RBMS3: variants seen among roughly 807,000 people sequenced by gnomAD.
The protein encoded by RBMS3 is RNA-binding motif, single-stranded-interacting protein 3.
RBMS3 carries 27 observed loss-of-function variants against 66.8 expected under a neutral mutation model. That is an observed-to-expected ratio of 0.40 (90% confidence interval 0.30 to 0.56). RBMS3 has a LOEUF of 0.56. Among genes scored for constraint, RBMS3 ranks in the 20% least tolerant of loss-of-function variants. RBMS3 has a pLI of 0.40. For missense variants in RBMS3, 513 were observed against 549.5 expected (o/e 0.93, Z 0.66); for synonymous variants, 188 against 183.0 (o/e 1.03, Z -0.22).
intron 8 of RBMS3, among the ~76,000 whole-genome samples, chr3:29,895,550 A>G (rs189454059): frequency 6.3e-4 from 95 of 151,624 alleles, no homozygotes; most frequent in Non-Finnish European, 1.1e-3. Context: ...CTTGAGATTC[A>G]TCATGTTGAA....
intron 7 of RBMS3, among the ~76,000 whole-genome samples, chr3:29,874,002 G>C (rs1320899144): frequency 6.6e-6 from 1 of 152,156 alleles, no homozygotes; most frequent in Non-Finnish European, 1.5e-5. Context: ...CTAATGTAAA[G>C]TATGTGCTTT....
At chr3:29,345,884 A>T (rs2036542293) in intron 1 of RBMS3, among the ~76,000 whole-genome samples, 2 of 152,240 alleles carry the variant, frequency 1.3e-5, no homozygotes, top group African/African-American at 4.8e-5. Flanking sequence ...CCCAGACTGT[A>T]CAAATGGCCA....
At chr3:29,572,533 T>C (rs1363891057) in intron 3 of RBMS3, among the ~76,000 whole-genome samples, 1 of 152,206 alleles carries the variant, frequency 6.6e-6, no homozygotes, top group Non-Finnish European at 1.5e-5. Context: ...ATCATATGGT[T>C]GTTGTCCTTC....
intron 1 of RBMS3, among the ~76,000 whole-genome samples, chr3:29,397,583 C>G (rs1462167906): frequency 6.6e-6 from 1 of 152,096 alleles, no homozygotes; most frequent in Non-Finnish European, 1.5e-5. Context: ...AAGAGAGGAA[C>G]AGACCCCTAA....
intron 12 of RBMS3, among the ~76,000 whole-genome samples, chr3:29,973,737 G>A (rs1366149155): frequency 6.6e-6 from 1 of 151,844 alleles, no homozygotes; most frequent in African/African-American, 2.4e-5. Context: ...CAATTACTGT[G>A]CTCACTCTAA....
At chr3:29,728,668 C>T (rs908718418) in intron 4 of RBMS3, among the ~76,000 whole-genome samples, 2 of 152,176 alleles carry the variant, frequency 1.3e-5, no homozygotes, top group African/African-American at 2.4e-5. Flanking sequence ...TTAAGGATCA[C>T]AGTTTACCAA....
intron 5 of RBMS3, among the ~76,000 whole-genome samples, chr3:29,745,571 C>T (rs2054852509): frequency 6.6e-6 from 1 of 151,778 alleles, no homozygotes; most frequent in African/African-American, 2.4e-5. Flanking sequence ...AAAGAATGAC[C>T]CAAAGTGGGG....
intron 4 of RBMS3, among the ~76,000 whole-genome samples, chr3:29,717,444 C>A (rs776015381): frequency 6.6e-6 from 1 of 152,080 alleles, no homozygotes; most frequent in Non-Finnish European, 1.5e-5. Flanking sequence ...TTCTCTTCTT[C>A]TGTCCCTTTT....
chr3:29,639,397 T>A (rs2049601288), intron 4 of RBMS3, among the ~76,000 whole-genome samples: 1 of 151,854 alleles, frequency 6.6e-6, no homozygotes, highest in Non-Finnish European at 1.5e-5. Context: ...GTATTTTTTT[T>A]ATAAACACGC....
At chr3:29,517,617 C>G (rs1012653458) in intron 3 of RBMS3, among the ~76,000 whole-genome samples, 3 of 152,164 alleles carry the variant, frequency 2.0e-5, no homozygotes, top group African/African-American at 7.2e-5. Flanking sequence ...GCCACCGCGC[C>G]CGGCCCTACA....
At chr3:29,383,932 C>A (rs1027746333) in intron 1 of RBMS3, among the ~76,000 whole-genome samples, 1 of 152,132 alleles carries the variant, frequency 6.6e-6, no homozygotes, top group Admixed American at 6.6e-5. Context: ...TAGTGAGCAA[C>A]CAGTATATGT....
At chr3:29,758,588 C>T (rs931851396) in intron 5 of RBMS3, among the ~76,000 whole-genome samples, 89 of 152,266 alleles carry the variant, frequency 5.8e-4, no homozygotes, top group African/African-American at 2.0e-3. Flanking sequence ...CTCTGCTTCA[C>T]TGTTTGGTAC....
intron 4 of RBMS3, among the ~76,000 whole-genome samples, chr3:29,612,931 A>G (rs577987836): frequency 2.6e-4 from 40 of 152,210 alleles, no homozygotes; most frequent in African/African-American, 8.2e-4. Flanking sequence ...TCTTATAATT[A>G]TTGTAATTAA....
chr3:29,661,612 C>G lies in RBMS3; in HGVS notation c.399+74407C>G, dbSNP rs530677506. Among the ~76,000 whole-genome samples the G allele has an allele frequency of 1.7e-4, 26 of 152,138 alleles. No individual in the cohort carries two copies. The South Asian group carries it at 5.4e-3, about 31-fold the overall frequency. On this transcript the variant is annotated intron_variant, in intron 4 of 14. Transcript: ENST00000383767. ...ATGTATAATCCTGCTGAATGTATGT[C>G]ATTGTTGGGAGTGCTCTAATATTCA...
chr3:29,468,251 A>T (rs1328493170), intron 2 of RBMS3, among the ~76,000 whole-genome samples: 1 of 152,152 alleles, frequency 6.6e-6, no homozygotes. Flanking sequence ...TCCATTCATC[A>T]AAAAGAAACA....
chr3:29,861,415 C>A (rs900177146), intron 6 of RBMS3, among the ~76,000 whole-genome samples: 4 of 152,032 alleles, frequency 2.6e-5, no homozygotes, highest in Non-Finnish European at 5.9e-5. Flanking sequence ...AATGTTATAG[C>A]AATAAAGAAA....
chr3:29,756,225 A>G (rs1323169423), intron 5 of RBMS3, among the ~76,000 whole-genome samples: 1 of 152,116 alleles, frequency 6.6e-6, no homozygotes, highest in Non-Finnish European at 1.5e-5. Context: ...ATGTCCTACA[A>G]TTTAACTCAG....
At chr3:29,635,435 A>G (rs2049439754) in intron 4 of RBMS3, among the ~76,000 whole-genome samples, 1 of 151,866 alleles carries the variant, frequency 6.6e-6, no homozygotes, top group African/African-American at 2.4e-5. Flanking sequence ...TCCATTAGGA[A>G]ATCCTTGTGT....
At chr3:29,798,623 A>G (rs1158540983) in intron 6 of RBMS3, among the ~76,000 whole-genome samples, 1 of 152,184 alleles carries the variant, frequency 6.6e-6, no homozygotes, top group Non-Finnish European at 1.5e-5. Flanking sequence ...ATGTGCTAAC[A>G]CTGTTGTTGT....
Sources: gnomAD v4.1 joint callset for allele counts (sites outside exome capture counted in the v4.1 genomes callset) on GRCh38, gnomAD v4.1.1 for gene constraint, MANE v1.5 for transcripts, NCBI Gene and HGNC (gene_info 2026-07-23, HGNC 2026-07-21) for gene names.